OXNAD1: variants seen among roughly 807,000 people sequenced by gnomAD.
OXNAD1 encodes the protein oxidoreductase NAD binding domain containing 1.
A neutral mutation model predicts 32.9 loss-of-function variants in OXNAD1; 34 were observed. The ratio of observed to expected loss-of-function variants is 1.03; its 90% CI spans 0.79 to 1.38. OXNAD1 has a LOEUF of 1.38. Among genes scored for constraint, OXNAD1 ranks in the 40% most tolerant of loss-of-function variants. The pLI is 0.00. For synonymous variants in OXNAD1, 134 were observed against 135.2 expected (o/e 0.99, Z 0.06); for missense variants, 407 against 379.4 (o/e 1.07, Z -0.60).
chr3:16,306,454 G>A (rs2067566973), downstream of OXNAD1, among the ~76,000 whole-genome samples: 1 of 152,146 alleles, frequency 6.6e-6, no homozygotes, highest in Admixed American at 6.5e-5. Context: ...CCTAACACAA[G>A]TGACAATGAT....
intron 5 of OXNAD1, among the ~76,000 whole-genome samples, chr3:16,291,397 G>A (rs922520481): frequency 3.3e-5 from 5 of 152,176 alleles, no homozygotes; most frequent in African/African-American, 1.2e-4. Context: ...AAGAAACTCT[G>A]TAATGATTCT....
rs1385101097 is a variant in OXNAD1, at chr3:16,344,677, G to GA, written c.*31-4498dup. On this transcript the variant is annotated intron_variant, in intron 9 of 9. Transcript: ENST00000606098. This position sits in a 1 kb window ranked among gnomAD's most constrained non-coding sequence, Gnocchi z 4.4. ...AGATGTGAAACAGGCCAAGGCACAG[G>GA]ATGGCATCAGAAAGCTCATGAAGAC... is the stretch of plus-strand genomic sequence containing the variant. Among the ~76,000 whole-genome samples the GA allele has an allele frequency of 6.6e-6, 1 of 152,202 alleles. No individual in the cohort carries two copies. Among genetic ancestry groups the GA allele is most frequent in the African/African-American group, 2.4e-5 (1 of 41,448 alleles).
Position 16,348,284 on chromosome 3 carries a change from G to A in OXNAD1, c.*31-892G>A, listed in dbSNP as rs73142394. On this transcript the variant is annotated intron_variant, in intron 9 of 9. Transcript: ENST00000606098. This position sits in a 1 kb window ranked among gnomAD's most constrained non-coding sequence, Gnocchi z 6.3. The stretch of plus-strand genomic sequence containing the variant: ...ACTGACATTATCCATAATCAGAGGC[G>A]TCTAGGAGATCACCCACATTATCTA... Among the ~76,000 whole-genome samples the A allele has an allele frequency of 0.039, 5,985 of 151,954 alleles. 371 individuals carry two copies. The highest frequency in any genetic ancestry group is 0.14 in the African/African-American group (5,599 of 41,378).
chr3:16,337,367 C>G (rs1202109351), downstream of OXNAD1: 1 of 152,216 alleles, frequency 6.6e-6, no homozygotes, highest in Non-Finnish European at 1.5e-5. This position sits in a 1 kb window ranked among gnomAD's most constrained non-coding sequence, Gnocchi z 5.0. Context: ...CAGAAGCTAA[C>G]TGGTGTATTA....
downstream of OXNAD1, among the ~76,000 whole-genome samples, chr3:16,307,915 GTTTT>G (rs926961436): frequency 6.6e-6 from 1 of 152,022 alleles, no homozygotes; most frequent in African/African-American, 2.4e-5. Context: ...AGTTTGTTCT[GTTTT>G]TTTAAGAGGA....
At position 16,265,275 on chromosome 3, in the gene OXNAD1, T is replaced by A. The variant is rs2276785; in HGVS notation, c.-389T>A. The A allele has an allele frequency of 1.9e-4, 41 of 214,410 alleles. 1 individual carries two copies. In the East Asian group the frequency reaches 5.2e-3, roughly 27 times the overall value. The allele number at this position is 214,410 out of a possible 1,614,324, so 13.3% of individuals were successfully genotyped here. On this transcript the variant is annotated 5_prime_UTR_variant, in exon 1 of 9. Transcript: ENST00000285083. This position sits in a 1 kb window ranked among gnomAD's most constrained non-coding sequence, Gnocchi z 4.8. Reference sequence around the variant, plus strand: ...CAAGCTAGGTGCCAGCGGGGAAAGTTTCCCTGCTTCTTATCGTCTGCTTTA... The same window carrying A: ...CAAGCTAGGTGCCAGCGGGGAAAGTATCCCTGCTTCTTATCGTCTGCTTTA...
chr3:16,288,832 T>A lies in OXNAD1; in HGVS notation c.290+2384T>A, dbSNP rs80078267. Among the ~76,000 whole-genome samples the A allele has an allele frequency of 2.2e-3, 328 of 152,284 alleles. 6 individuals are homozygous for A. Among genetic ancestry groups the A allele is most frequent in the East Asian group, 0.014 (72 of 5,174 alleles). On this transcript the variant is annotated intron_variant, in intron 5 of 8. Transcript: ENST00000285083. This position sits in a 1 kb window ranked among gnomAD's most constrained non-coding sequence, Gnocchi z 5.1. ...GGAAAGCTTGGCACTCACTCTTGGG[T>A]CTGGAGCATGCCACCACTGGTCCTC...
In OXNAD1 at chr3:16,303,722, C is replaced by T. The variant is rs1285197559; in HGVS notation, c.*160C>T. On this transcript the variant is annotated 3_prime_UTR_variant, in exon 9 of 9. Coordinates refer to ENST00000285083, the MANE Select transcript of OXNAD1 (RefSeq NM_138381.5). This position sits in a 1 kb window ranked among gnomAD's most constrained non-coding sequence, Gnocchi z 4.8. ...TGGATAATAAAAGCCAGCTGGCAGA[C>T]TTAAATGATAAACTTTTTGCAAAGA... The T allele has an allele frequency of 1.4e-6, 1 of 733,656 alleles. No homozygotes were observed. The highest frequency in any genetic ancestry group is 2.0e-6 in the Non-Finnish European group (1 of 492,856). 45.4% of individuals were successfully genotyped at this position (733,656 alleles called of 1,614,324 possible). A position where few individuals can be genotyped will look rare whatever the true frequency, so the allele number is the denominator to read the frequency against.
intron 4 of OXNAD1, chr3:16,272,003 G>A: frequency 2.0e-6 from 1 of 506,512 alleles, no homozygotes; most frequent in Non-Finnish European, 3.5e-6. Flanking sequence ...CAGGTATGAT[G>A]TTTAGGGTTA....
chr3:16,317,876 A>G lies in OXNAD1; in HGVS notation c.*30+14284A>G, dbSNP rs931619534. Among the ~76,000 whole-genome samples the G allele has an allele frequency of 3.9e-5, 6 of 152,184 alleles. No homozygotes were observed. Among genetic ancestry groups the G allele is most frequent in the Non-Finnish European group, 8.8e-5 (6 of 68,024 alleles). On this transcript the variant is annotated intron_variant, in intron 9 of 9. Coordinates refer to the OXNAD1 transcript ENST00000435829. This position sits in a 1 kb window ranked among gnomAD's most constrained non-coding sequence, Gnocchi z 4.3. ...TACAACAACCCATTTCCTGATCCCAATTTGGGATAACGCAAATGCCATCCC... is the reference window on the plus strand; with the variant it reads ...TACAACAACCCATTTCCTGATCCCAGTTTGGGATAACGCAAATGCCATCCC...
chr3:16,345,788 C>CTGTGTG lies in OXNAD1; in HGVS notation c.*31-3363_*31-3358dup, dbSNP rs370820242. On this transcript the variant is annotated intron_variant, in intron 9 of 9. Transcript: ENST00000606098. This position sits in a 1 kb window ranked among gnomAD's most constrained non-coding sequence, Gnocchi z 5.2. Reference sequence around the variant, plus strand: ...TGAGCCAAAACCTTATAATAAATCTCTGTGTGTGTGTGTGTGTGTGTGTGT... The same window carrying CTGTGTG: ...TGAGCCAAAACCTTATAATAAATCTCTGTGTGTGTGTGTGTGTGTGTGTGTGTGTGT... 5.3e-3 allele frequency among the ~76,000 whole-genome samples: 673 copies of CTGTGTG among 127,234 alleles called. 3 individuals carry two copies. The highest frequency in any genetic ancestry group is 0.03 in the South Asian group (107 of 3,586). 83.5% of individuals were successfully genotyped at this position (127,234 alleles called of 152,430 possible).
In OXNAD1 at chr3:16,316,583, A is replaced by T; in HGVS notation, c.*30+12991A>T. ...GACTGGGCCTTCAGCCATGAGGGCTAGAATAACCTGACCTCTTGCATTCTA... is the reference window on the plus strand; with the variant it reads ...GACTGGGCCTTCAGCCATGAGGGCTTGAATAACCTGACCTCTTGCATTCTA... On this transcript the variant is annotated intron_variant, in intron 9 of 9. Coordinates refer to the OXNAD1 transcript ENST00000435829. This position sits in a 1 kb window ranked among gnomAD's most constrained non-coding sequence, Gnocchi z 4.5. 1 of 554,226 alleles carries T rather than the reference A, an allele frequency of 1.8e-6. No homozygotes were observed. Among genetic ancestry groups the T allele is most frequent in the Non-Finnish European group, 3.2e-6 (1 of 310,130 alleles). The allele number at this position is 554,226 out of a possible 1,614,324, so 34.3% of individuals were successfully genotyped here. A position where few individuals can be genotyped will look rare whatever the true frequency, so the allele number is the denominator to read the frequency against.
intron 4 of OXNAD1, among the ~76,000 whole-genome samples, chr3:16,273,194 T>C (rs1441560881): frequency 3.3e-5 from 5 of 152,128 alleles, no homozygotes; most frequent in African/African-American, 1.2e-4. Context: ...CAAAAAAGAA[T>C]CATCAAGCAT....
At chr3:16,324,051 G>T (rs79695911) in intron 9 of OXNAD1, among the ~76,000 whole-genome samples, 1 of 152,194 alleles carries the variant, frequency 6.6e-6, no homozygotes. Context: ...TCCCAGGAAG[G>T]CAGGACCTGG....
intron 5 of OXNAD1, among the ~76,000 whole-genome samples, chr3:16,292,289 C>T (rs1420537048): frequency 2.7e-5 from 4 of 150,444 alleles, no homozygotes; most frequent in East Asian, 1.9e-4. Context: ...CTCCTGGGTT[C>T]GAGTGATTCT....
rs182784903 is a variant in OXNAD1, at chr3:16,336,625, T to A, written c.*31-487T>A. The stretch of plus-strand genomic sequence containing the variant: ...AGTCTGAGAGAGCAGTCTTCTCATT[T>A]TAGACAACTTAGGCTTTCATAATGT... On this transcript the variant is annotated intron_variant, in intron 9 of 9. Coordinates refer to the OXNAD1 transcript ENST00000435829. The surrounding 1 kb of genome is among the most constrained non-coding windows in gnomAD (Gnocchi z 6.0). Among the ~76,000 whole-genome samples the A allele has an allele frequency of 6.6e-6, 1 of 152,244 alleles. No individual in the cohort carries two copies. Among genetic ancestry groups the A allele is most frequent in the Admixed American group, 6.5e-5 (1 of 15,288 alleles).
intron 4 of OXNAD1, among the ~76,000 whole-genome samples, chr3:16,281,372 C>G (rs1321138979): frequency 6.6e-6 from 1 of 152,172 alleles, no homozygotes; most frequent in Non-Finnish European, 1.5e-5. Flanking sequence ...ATGCAAAAAT[C>G]TGAAATCTGA....
chr3:16,323,292 G>T, intron 9 of OXNAD1: 2 of 1,004,094 alleles, frequency 2.0e-6, no homozygotes, highest in Middle Eastern at 2.1e-4. Flanking sequence ...GCTGGAGCAG[G>T]CTGCCCCCTC....
chr3:16,317,058 C>T lies in OXNAD1; in HGVS notation c.*30+13466C>T, dbSNP rs763131019. 6.2e-7 allele frequency: 1 copy of T among 1,613,842 alleles called. No individual in the cohort carries two copies. Among genetic ancestry groups the T allele is most frequent in the South Asian group, 1.1e-5 (1 of 91,072 alleles). ...GGGCCCTTCATCTCCTCGGAGACTC[C>T]ACCCTCCTGCTGCTGTCCTGAAACA... On this transcript the variant is annotated intron_variant, in intron 9 of 9. Coordinates refer to the OXNAD1 transcript ENST00000435829. The surrounding 1 kb of genome is among the most constrained non-coding windows in gnomAD (Gnocchi z 4.3).
Sources: gnomAD v4.1 joint callset for allele counts (sites outside exome capture counted in the v4.1 genomes callset) on GRCh38, gnomAD v4.1.1 for gene constraint, Gnocchi (gnomAD v3.1) non-coding constraint, MANE v1.5 for transcripts, NCBI Gene and HGNC (gene_info 2026-07-23, HGNC 2026-07-21) for gene names.